Variants in PIR observed in about 807,000 individuals in gnomAD.
PIR encodes the protein pirin.
Under a neutral mutation model 24.2 loss-of-function variants are expected in PIR, and 22 were observed. That is an observed-to-expected ratio of 0.91 (90% confidence interval 0.65 to 1.30). The LOEUF (loss-of-function observed/expected upper bound fraction) is 1.30, where lower values mean the gene tolerates loss of function less well. PIR is among the 50% of genes most tolerant of loss of function. The probability of loss-of-function intolerance (pLI) is 0.00; values close to 1 mark genes in which losing one functional copy is unlikely to be tolerated. For missense variants in PIR, 220 were observed against 220.3 expected (o/e 1.00, Z 0.01); for synonymous variants, 80 against 79.6 (o/e 1.00, Z -0.03).
chrX:15,478,518 G>A (rs1337529116), intron 3 of PIR: 3 of 112,096 alleles, frequency 2.7e-5, no homozygotes, highest in African/African-American at 9.7e-5. Context: ...TGTAGGGTAG[G>A]TGAAAGGAAT....
intron 5 of PIR, among the ~76,000 whole-genome samples, chrX:15,446,269 GT>G (rs1231273177): frequency 8.9e-6 from 1 of 111,776 alleles, no homozygotes; most frequent in African/African-American, 3.3e-5. Flanking sequence ...AAATGAACGT[GT>G]GTTTTGAAGG....
At chrX:15,429,743 C>T (rs1003526245) in intron 5 of PIR, 4 of 109,821 alleles carry the variant, frequency 3.6e-5, no homozygotes, top group African/African-American at 1.3e-4. Flanking sequence ...GTAGTCCCAG[C>T]TACTCGGGAG....
intron 6 of PIR, among the ~76,000 whole-genome samples, chrX:15,413,249 G>A (rs1337823124): frequency 9.0e-6 from 1 of 111,426 alleles, no homozygotes; most frequent in Non-Finnish European, 1.9e-5. Flanking sequence ...ATGAGGCTGT[G>A]ACCCAGGCCA....
At position 15,387,073 on chromosome X, in the gene PIR, C is replaced by CTTT. The variant is rs764572854; in HGVS notation, c.761-1960_761-1958dup. 8.1e-3 allele frequency among the ~76,000 whole-genome samples: 102 copies of CTTT among 12,648 alleles called. 3 individuals carry two copies. The highest frequency in any genetic ancestry group is 0.012 in the Non-Finnish European group (82 of 6,647). The allele number at this position is 12,648 out of a possible 115,157, so 11.0% of individuals were successfully genotyped here. A position where few individuals can be genotyped will look rare whatever the true frequency, so the allele number is the denominator to read the frequency against. Reference sequence around the variant, plus strand: ...TTTTGTTTTGTTTTTCTTTTCTTTTCTTTTTTTTTTTTTTTTTTTTTTTTT... The same window carrying CTTT: ...TTTTGTTTTGTTTTTCTTTTCTTTTCTTTTTTTTTTTTTTTTTTTTTTTTTTTT... On this transcript the variant is annotated intron_variant, in intron 9 of 9. Coordinates refer to ENST00000380420, the MANE Select transcript of PIR (RefSeq NM_001018109.3).
chrX:15,483,509 C>T (rs1922625708), intron 2 of PIR, among the ~76,000 whole-genome samples: 1 of 111,043 alleles, frequency 9.0e-6, no homozygotes, highest in Non-Finnish European at 1.9e-5. Flanking sequence ...TCCTTTTCTC[C>T]TCTCCTCTCA....
chrX:15,476,021 A>T (rs1411879764), intron 3 of PIR, among the ~76,000 whole-genome samples: 1 of 112,210 alleles, frequency 8.9e-6, no homozygotes, highest in Non-Finnish European at 1.9e-5. Flanking sequence ...TACTTATCTC[A>T]TAGAATCGTA....
chrX:15,400,578 TG>T (rs1924343384), intron 7 of PIR, among the ~76,000 whole-genome samples: 1 of 111,136 alleles, frequency 9.0e-6, no homozygotes, highest in Non-Finnish European at 1.9e-5. Flanking sequence ...TTCATTGGTC[TG>T]TGAGGAAATC....
chrX:15,468,307 T>C (rs1921708255), intron 3 of PIR, among the ~76,000 whole-genome samples: 2 of 112,664 alleles, frequency 1.8e-5, no homozygotes, highest in African/African-American at 6.5e-5. Flanking sequence ...TGTGTGTCAC[T>C]GTGGCAGGCT....
At chrX:15,459,824 A>G (rs1171162601) in intron 3 of PIR, 84 bp from the exon 4 acceptor site, 3 of 513,412 alleles carry the variant, frequency 5.8e-6, no homozygotes, top group Non-Finnish European at 1.0e-5. Flanking sequence ...ACTGACTTGT[A>G]TGAGTTCCTT....
intron 3 of PIR, among the ~76,000 whole-genome samples, chrX:15,475,928 A>G (rs1922170447): frequency 8.9e-6 from 1 of 112,435 alleles, no homozygotes; most frequent in Admixed American, 9.4e-5. Flanking sequence ...AATTTTTAAT[A>G]GAAAATATAT....
chrX:15,438,965 G>A (rs5934240), intron 5 of PIR, among the ~76,000 whole-genome samples: 1,364 of 111,729 alleles, frequency 0.012, 12 homozygotes, highest in Middle Eastern at 0.023. Flanking sequence ...TGACCAAAGA[G>A]GAATGGAAGA....
rs755769581 is a variant in PIR at position 15,474,388 on chromosome X, G to A, written c.189+5341C>T. On this transcript the variant is annotated intron_variant, in intron 3 of 9. Transcript: ENST00000380420. The stretch of plus-strand genomic sequence containing the variant: ...CAATATTGTCTATCTATTAATTTAG[G>A]TTATGGTGCGTCCACAAGGACTCAA... Among the ~76,000 whole-genome samples the A allele has an allele frequency of 5.3e-5, 6 of 112,198 alleles. No homozygotes were observed. In the South Asian group the frequency reaches 2.2e-3, roughly 41 times the overall value.
intron 5 of PIR, among the ~76,000 whole-genome samples, chrX:15,426,896 C>A (rs939145775): frequency 9.0e-6 from 1 of 111,380 alleles, no homozygotes; most frequent in African/African-American, 3.3e-5. Context: ...AGGTGTATAC[C>A]TAACAGTCAC....
At chrX:15,481,494 A>G (rs1478056581) in intron 2 of PIR, among the ~76,000 whole-genome samples, 1 of 112,179 alleles carries the variant, frequency 8.9e-6, no homozygotes, top group Admixed American at 9.4e-5. Flanking sequence ...TGTTTCCTCA[A>G]TAGAACCATG....
At chrX:15,390,119 T>C (rs1334346712) in intron 9 of PIR, 66 bp downstream of exon 9, 3 of 560,331 alleles carry the variant, frequency 5.4e-6, no homozygotes, top group East Asian at 3.8e-5. Flanking sequence ...AACAATAGTA[T>C]ACATGTATAC....
At chrX:15,445,890 C>T (rs1169549972) in intron 5 of PIR, among the ~76,000 whole-genome samples, 1 of 80,875 alleles carries the variant, frequency 1.2e-5, no homozygotes, top group African/African-American at 5.2e-5. Context: ...AGTGCTGTGG[C>T]GCGATCTCGG....
chrX:15,421,570 C>A (rs966216245), intron 6 of PIR, among the ~76,000 whole-genome samples: 9 of 109,439 alleles, frequency 8.2e-5, no homozygotes, highest in Non-Finnish European at 1.5e-4. Context: ...TGGATACATA[C>A]AACCTACCAA....
At chrX:15,406,128 G>A (rs764401331) in intron 7 of PIR, among the ~76,000 whole-genome samples, 1 of 112,012 alleles carries the variant, frequency 8.9e-6, no homozygotes, top group Non-Finnish European at 1.9e-5. Context: ...GGAGCGGGTG[G>A]AGAGCACCCA....
intron 9 of PIR, among the ~76,000 whole-genome samples, chrX:15,387,758 A>G (rs981362688): frequency 2.7e-5 from 3 of 111,540 alleles, no homozygotes; most frequent in Non-Finnish European, 5.6e-5. Context: ...GTTTTCTGTA[A>G]GAATGGTGTG....
Sources: gnomAD v4.1 joint callset for allele counts (sites outside exome capture counted in the v4.1 genomes callset) on GRCh38, gnomAD v4.1.1 for gene constraint, MANE v1.5 for transcripts, NCBI Gene and HGNC (gene_info 2026-07-23, HGNC 2026-07-21) for gene names.